TPRG1: variants seen among roughly 807,000 people sequenced by gnomAD.
The protein encoded by TPRG1 is tumor protein p63 regulated 1.
Under a neutral mutation model 29.3 loss-of-function variants are expected in TPRG1, and 29 were observed. That is an observed-to-expected ratio of 0.99 (90% CI 0.74 to 1.35). The LOEUF (loss-of-function observed/expected upper bound fraction) is 1.35. TPRG1 is among the 40% of genes most tolerant of loss of function. The pLI, the probability that TPRG1 is intolerant of heterozygous loss-of-function variation, is 0.00. For missense variants in TPRG1, 327 were observed against 335.0 expected, an observed-to-expected ratio of 0.98 and a Z score of 0.19; for synonymous variants, 130 against 116.8, an observed-to-expected ratio of 1.11 and a Z score of -0.73.
At chr3:189,044,660 G>A (rs1031764477) in intron 4 of TPRG1, among the ~76,000 whole-genome samples, 1 of 152,120 alleles carries the variant, frequency 6.6e-6, no homozygotes, top group Non-Finnish European at 1.5e-5. Context: ...AAGAGCATAA[G>A]CAAGGGCAAA....
intron 3 of TPRG1, among the ~76,000 whole-genome samples, chr3:189,019,557 C>G (rs1383877015): frequency 1.3e-5 from 2 of 152,158 alleles, no homozygotes; most frequent in African/African-American, 4.8e-5. Context: ...TGTATTGAAC[C>G]AGCCTTGCAT....
In TPRG1 at chr3:189,313,767, G is replaced by T. The variant is rs73064117; in HGVS notation, c.633+3228G>T. The stretch of plus-strand genomic sequence containing the variant: ...AAGGTTCTTGCCTTTGTGGAAGGCA[G>T]TGCTTAACAGGGGAGGCAGATAAAA... On this transcript the variant is annotated intron_variant, in intron 5 of 5. Transcript: ENST00000345063. Among the ~76,000 whole-genome samples, 1,285 of 152,274 alleles carry T rather than the reference G, an allele frequency of 8.4e-3. 32 individuals carry two copies. Among genetic ancestry groups the T allele is most frequent in the African/African-American group, 0.03 (1,235 of 41,560 alleles).
intron 4 of TPRG1, among the ~76,000 whole-genome samples, chr3:189,035,812 A>G (rs1468225418): frequency 2.0e-5 from 3 of 152,162 alleles, no homozygotes; most frequent in Non-Finnish European, 4.4e-5. Context: ...ACACTTATAC[A>G]CTGTTAGTGG....
At chr3:189,269,985 C>T (rs1348900910) in intron 4 of TPRG1, among the ~76,000 whole-genome samples, 1 of 152,014 alleles carries the variant, frequency 6.6e-6, no homozygotes, top group Non-Finnish European at 1.5e-5. Flanking sequence ...TAAACAGGCT[C>T]CCTGACGTTG....
chr3:189,296,586 T>C (rs1331667367), intron 4 of TPRG1, among the ~76,000 whole-genome samples: 1 of 152,170 alleles, frequency 6.6e-6, no homozygotes, highest in Non-Finnish European at 1.5e-5. Flanking sequence ...TTGTTTCCTT[T>C]TTATGGCCAC....
intron 4 of TPRG1, among the ~76,000 whole-genome samples, chr3:189,050,500 AG>A (rs1715247371): frequency 1.3e-5 from 2 of 152,202 alleles, no homozygotes; most frequent in African/African-American, 4.8e-5. Flanking sequence ...GAATTCTATC[AG>A]ACATTCACAG....
chr3:189,195,914 G>A (rs1244012411), intron 1 of TPRG1, among the ~76,000 whole-genome samples: 1 of 152,156 alleles, frequency 6.6e-6, no homozygotes, highest in Non-Finnish European at 1.5e-5. Flanking sequence ...GTACTTTGGT[G>A]CCCTTCCTTG....
intron 5 of TPRG1, among the ~76,000 whole-genome samples, chr3:189,166,411 T>C (rs764317980): frequency 1.3e-5 from 2 of 152,204 alleles, no homozygotes; most frequent in African/African-American, 2.4e-5. Flanking sequence ...CTTAGTAGCA[T>C]AGAATGACAA....
chr3:189,085,784 G>A (rs569015434), intron 4 of TPRG1, among the ~76,000 whole-genome samples: 18 of 148,652 alleles, frequency 1.2e-4, no homozygotes, highest in Admixed American at 2.0e-4. Context: ...TATTGTTACC[G>A]TTATGAAATT....
At chr3:189,185,531 C>T (rs1730806753) in intron 1 of TPRG1, among the ~76,000 whole-genome samples, 1 of 152,040 alleles carries the variant, frequency 6.6e-6, no homozygotes, top group South Asian at 2.1e-4. Flanking sequence ...CAGCCTGGCT[C>T]AGTTATTTGA....
chr3:189,006,021 G>T (rs710507), intron 3 of TPRG1, among the ~76,000 whole-genome samples: 7 of 152,174 alleles, frequency 4.6e-5, no homozygotes, highest in South Asian at 2.1e-4. Flanking sequence ...ATTCATGCCA[G>T]GAACACTAAT....
At chr3:189,194,244 C>T (rs779183279) in intron 1 of TPRG1, among the ~76,000 whole-genome samples, 1 of 152,086 alleles carries the variant, frequency 6.6e-6, no homozygotes, top group African/African-American at 2.4e-5. Flanking sequence ...GTGGCCATGA[C>T]AGCATAGGTT....
intron 3 of TPRG1, among the ~76,000 whole-genome samples, chr3:189,007,249 C>T (rs1712340710): frequency 6.6e-6 from 1 of 151,646 alleles, no homozygotes; most frequent in African/African-American, 2.4e-5. Context: ...CATGAACAGA[C>T]ACTTCTCAAA....
At chr3:189,126,658 A>G (rs1034344896) in intron 1 of TPRG1, among the ~76,000 whole-genome samples, 2 of 152,132 alleles carry the variant, frequency 1.3e-5, no homozygotes, top group Non-Finnish European at 2.9e-5. Context: ...ACCTTGTATA[A>G]TTTGCTTAAG....
intron 4 of TPRG1, among the ~76,000 whole-genome samples, chr3:189,085,329 G>A (rs1487213770): frequency 6.6e-6 from 1 of 152,178 alleles, no homozygotes; most frequent in Non-Finnish European, 1.5e-5. Flanking sequence ...ACATCTCATA[G>A]TATTTGCAAG....
At position 189,287,101 on chromosome 3, in the gene TPRG1, C is replaced by A. The variant is rs1309744854; in HGVS notation, c.480-23285C>A. 3.3e-5 allele frequency among the ~76,000 whole-genome samples: 5 copies of A among 152,226 alleles called. No individual in the cohort carries two copies. In the East Asian group the frequency reaches 7.7e-4, roughly 24 times the overall value. On this transcript the variant is annotated intron_variant, in intron 4 of 5. Transcript: ENST00000345063. ...TCTTTTGCCTGAAGACCCTGACATT[C>A]ATCATGCTTGTCACCGCATGGTTGC...
At chr3:189,183,585 C>A (rs1481431225) in intron 1 of TPRG1, among the ~76,000 whole-genome samples, 1 of 151,920 alleles carries the variant, frequency 6.6e-6, no homozygotes, top group Non-Finnish European at 1.5e-5. Flanking sequence ...CCCAAGGGGG[C>A]CATCTATAGA....
intron 5 of TPRG1, among the ~76,000 whole-genome samples, chr3:189,161,659 A>G (rs1357550838): frequency 2.6e-5 from 4 of 152,166 alleles, no homozygotes; most frequent in African/African-American, 7.2e-5. Context: ...ATATCATTCT[A>G]TGAAATGTTT....
intron 5 of TPRG1, among the ~76,000 whole-genome samples, chr3:189,315,330 AAGAG>A (rs780530071): frequency 4.4e-5 from 6 of 137,760 alleles, no homozygotes; most frequent in Non-Finnish European, 6.4e-5. Context: ...GGGGGTGAGA[AAGAG>A]AGAGACTGTG....
Sources: gnomAD v4.1 joint callset for allele counts (sites outside exome capture counted in the v4.1 genomes callset) on GRCh38, gnomAD v4.1.1 for gene constraint, MANE v1.5 for transcripts, NCBI Gene and HGNC (gene_info 2026-07-23, HGNC 2026-07-21) for gene names.